WWOX: variants seen among roughly 807,000 people sequenced by gnomAD.
The protein encoded by WWOX is WW domain containing oxidoreductase.
Under a neutral mutation model 46.2 loss-of-function variants are expected in WWOX, and 69 were observed. The ratio of observed to expected loss-of-function variants is 1.49; its 90% CI spans 1.23 to 1.82. WWOX has a LOEUF of 1.82. WWOX is among the 40% of genes most tolerant of loss of function. The pLI is 0.00. For missense variants in WWOX, 919 were observed against 542.6 expected (o/e 1.69, Z -6.89); for synonymous variants, 359 against 202.6 (o/e 1.77, Z -6.56).
chr16:78,641,484 C>T (rs908253568), intron 8 of WWOX, among the ~76,000 whole-genome samples: 14 of 152,032 alleles, frequency 9.2e-5, no homozygotes, highest in East Asian at 3.9e-4. Flanking sequence ...TCCCCTCTCA[C>T]GCCCCAAGCT....
At chr16:78,998,568 G>C (rs2047034486) in intron 8 of WWOX, among the ~76,000 whole-genome samples, 1 of 152,196 alleles carries the variant, frequency 6.6e-6, no homozygotes, top group Non-Finnish European at 1.5e-5. Flanking sequence ...GGAGCTGTTA[G>C]AGGAGTTAAT....
intron 8 of WWOX, among the ~76,000 whole-genome samples, chr16:79,006,504 C>T (rs898334806): frequency 8.6e-5 from 13 of 151,666 alleles, no homozygotes; most frequent in South Asian, 2.1e-4. Context: ...ATCTGAGTTA[C>T]GCTTTTTTTT....
chr16:78,396,001 C>T (rs150554662), intron 6 of WWOX, among the ~76,000 whole-genome samples: 180 of 152,256 alleles, frequency 1.2e-3, no homozygotes, highest in African/African-American at 4.2e-3. Context: ...TACTAGGAAT[C>T]CTTAAGTACA....
At chr16:78,848,247 C>G (rs910074110) in intron 8 of WWOX, among the ~76,000 whole-genome samples, 1 of 152,150 alleles carries the variant, frequency 6.6e-6, no homozygotes, top group Non-Finnish European at 1.5e-5. Flanking sequence ...ACTTTGTACA[C>G]CGTGGGCTCC....
intron 8 of WWOX, among the ~76,000 whole-genome samples, chr16:79,066,203 C>A (rs1043911293): frequency 7.9e-5 from 12 of 152,182 alleles, no homozygotes; most frequent in Admixed American, 1.3e-4. Flanking sequence ...CACTGTTCCA[C>A]GTGGGACGTT....
intron 8 of WWOX, chr16:78,756,831 G>C (rs1005929324): frequency 1.5e-6 from 1 of 673,938 alleles, no homozygotes; most frequent in Non-Finnish European, 2.7e-6. Flanking sequence ...TAATACTACT[G>C]ACCTGTATAA....
chr16:78,513,408 G>A (rs1014239959), intron 8 of WWOX, among the ~76,000 whole-genome samples: 4 of 152,164 alleles, frequency 2.6e-5, no homozygotes, highest in African/African-American at 4.8e-5. Context: ...CCTGGTGGGG[G>A]AATCAGTGAG....
chr16:78,947,686 C>G (rs2045976378), intron 8 of WWOX, among the ~76,000 whole-genome samples: 1 of 152,286 alleles, frequency 6.6e-6, no homozygotes, highest in African/African-American at 2.4e-5. Context: ...AAAGCAATTG[C>G]TTTGTCCCCT....
intron 8 of WWOX, among the ~76,000 whole-genome samples, chr16:79,112,812 G>GGT (rs1247901768): frequency 6.6e-6 from 1 of 152,186 alleles, no homozygotes; most frequent in African/African-American, 2.4e-5. Flanking sequence ...AGGAAACTGA[G>GGT]GTGAAGACAG....
intron 8 of WWOX, among the ~76,000 whole-genome samples, chr16:79,067,044 A>G (rs2048454439): frequency 6.6e-6 from 1 of 152,116 alleles, no homozygotes; most frequent in African/African-American, 2.4e-5. Flanking sequence ...TCTGGAAGGG[A>G]GCATCCGCGA....
intron 4 of WWOX, among the ~76,000 whole-genome samples, chr16:78,120,864 T>G (rs1415898517): frequency 6.6e-6 from 1 of 152,212 alleles, no homozygotes; most frequent in Non-Finnish European, 1.5e-5. Context: ...AGATTTTAAA[T>G]CCACACTTCC....
At chr16:78,997,448 T>G (rs2047012586) in intron 8 of WWOX, among the ~76,000 whole-genome samples, 1 of 152,226 alleles carries the variant, frequency 6.6e-6, no homozygotes, top group African/African-American at 2.4e-5. Flanking sequence ...TCTGTATATC[T>G]GTATGGGCCT....
At chr16:78,178,839 G>A (rs1312805305) in intron 5 of WWOX, among the ~76,000 whole-genome samples, 2 of 150,840 alleles carry the variant, frequency 1.3e-5, no homozygotes, top group Admixed American at 6.6e-5. Flanking sequence ...ATTCCAGCCT[G>A]GGCGACAGAG....
chr16:79,042,133 G>A (rs1399093792), intron 8 of WWOX, among the ~76,000 whole-genome samples: 1 of 152,122 alleles, frequency 6.6e-6, no homozygotes, highest in Non-Finnish European at 1.5e-5. Context: ...ACGTTCCCCC[G>A]CCTGTCTCTG....
chr16:79,075,655 T>A (rs1218646841), intron 8 of WWOX, among the ~76,000 whole-genome samples: 2 of 152,000 alleles, frequency 1.3e-5, no homozygotes, highest in Admixed American at 6.6e-5. Flanking sequence ...TGGGATCAAG[T>A]GATTCTCCTG....
chr16:79,027,536 C>T (rs935945832), intron 8 of WWOX, among the ~76,000 whole-genome samples: 6 of 151,712 alleles, frequency 4.0e-5, no homozygotes, highest in African/African-American at 1.5e-4. Flanking sequence ...TCCAATTCCC[C>T]GTTCTGGAGA....
At chr16:79,177,998 T>C (rs8053844) in intron 8 of WWOX, among the ~76,000 whole-genome samples, 90,239 of 151,934 alleles carry the variant, frequency 0.59, 28,235 homozygotes, top group East Asian at 0.9. Flanking sequence ...GATGACTTCT[T>C]GCTGTGTCAA....
chr16:78,114,736 T>C (rs187647757), intron 3 of WWOX, among the ~76,000 whole-genome samples: 111 of 149,176 alleles, frequency 7.4e-4, no homozygotes, highest in Non-Finnish European at 1.1e-3. Context: ...AGTTATTGTA[T>C]GTTACAGCGT....
At chr16:78,320,123 C>T (rs1253133083) in intron 5 of WWOX, among the ~76,000 whole-genome samples, 2 of 152,208 alleles carry the variant, frequency 1.3e-5, no homozygotes, top group Non-Finnish European at 2.9e-5. Context: ...CTTAGCTTTA[C>T]TCAATGTTTT....
Sources: gnomAD v4.1 joint callset for allele counts (sites outside exome capture counted in the v4.1 genomes callset) on GRCh38, gnomAD v4.1.1 for gene constraint, MANE v1.5 for transcripts, NCBI Gene and HGNC (gene_info 2026-07-23, HGNC 2026-07-21) for gene names.